The following OSBPL9 variants were observed in gnomAD, a reference collection of about 807,000 sequenced individuals.
OSBPL9 encodes oxysterol-binding protein-related protein 9.
Under a neutral mutation model 106.6 loss-of-function variants are expected in OSBPL9, and 40 were observed. That is an observed-to-expected ratio of 0.38 (90% confidence interval 0.29 to 0.49). The LOEUF is 0.49. OSBPL9 is among the 20% of genes least tolerant of loss of function. OSBPL9 has a pLI of 0.97. For missense variants in OSBPL9, 609 were observed against 887.2 expected (o/e 0.69, Z 3.98); for synonymous variants, 269 against 295.4 (o/e 0.91, Z 0.92).
At chr1:51,749,466 CCA>C (rs981278691) in intron 7 of OSBPL9, 13 of 412,954 alleles carry the variant, frequency 3.1e-5, no homozygotes, top group African/African-American at 2.4e-4. Flanking sequence ...GCACACGCTA[CCA>C]CACACAGCTA....
chr1:51,663,862 T>A (rs1647757276), intron 2 of OSBPL9, among the ~76,000 whole-genome samples: 1 of 152,186 alleles, frequency 6.6e-6, no homozygotes, highest in South Asian at 2.1e-4. Context: ...AAGAGGATCT[T>A]CAAATGGTCA....
At chr1:51,756,424 G>C (rs1051115051) in intron 9 of OSBPL9, 66 bp downstream of exon 9, 143 of 1,480,816 alleles carry the variant, frequency 9.7e-5, no homozygotes, top group Middle Eastern at 8.6e-4. Flanking sequence ...GTCATATCAG[G>C]AGAAGCCTGA....
chr1:51,664,368 A>G (rs1360837308), intron 2 of OSBPL9, among the ~76,000 whole-genome samples: 1 of 152,120 alleles, frequency 6.6e-6, no homozygotes, highest in African/African-American at 2.4e-5. Flanking sequence ...CACAAAGGAA[A>G]ATAAGTGGTG....
chr1:51,669,331 C>T lies in OSBPL9; in HGVS notation c.163-103C>T. 1.3e-5 allele frequency: 12 copies of T among 917,368 alleles called. No individual in the cohort carries two copies. The South Asian group carries it at 1.8e-4, about 14-fold the overall frequency. The allele number at this position is 917,368 out of a possible 1,614,324, so 56.8% of individuals were successfully genotyped here. A position where few individuals can be genotyped will look rare whatever the true frequency, so the allele number is the denominator to read the frequency against. ...TTTCCTCTTTTCTGTGTCTAGCCTG[C>T]TTCCAGTGTCGTTGGTGCATTGAGT... On this transcript the variant is annotated intron_variant, in intron 2 of 23. Coordinates refer to ENST00000428468, the MANE Select transcript of OSBPL9 (RefSeq NM_024586.6).
At chr1:51,688,381 C>T (rs1654275359) in intron 3 of OSBPL9, among the ~76,000 whole-genome samples, 1 of 152,130 alleles carries the variant, frequency 6.6e-6, no homozygotes, top group East Asian at 1.9e-4. Context: ...CCTGTAATCT[C>T]AATACTATGG....
intron 3 of OSBPL9, among the ~76,000 whole-genome samples, chr1:51,682,570 C>G (rs1024495961): frequency 1.1e-4 from 17 of 152,084 alleles, no homozygotes; most frequent in African/African-American, 4.1e-4. Context: ...CCAGCCAGAC[C>G]AACATGGTGA....
chr1:51,719,055 T>C (rs1661580121), intron 4 of OSBPL9, among the ~76,000 whole-genome samples: 1 of 152,218 alleles, frequency 6.6e-6, no homozygotes, highest in African/African-American at 2.4e-5. Flanking sequence ...TCTTTTGATA[T>C]GTAGCTTTAG....
chr1:51,553,958 C>T, the OSBPL9 span, among the ~76,000 whole-genome samples: 5 of 152,182 alleles, frequency 3.3e-5, no homozygotes, highest in Admixed American at 6.5e-5. Flanking sequence ...GGATTACAGG[C>T]GTGAGCCACC....
At chr1:51,701,586 T>C (rs1657252340) in intron 3 of OSBPL9, among the ~76,000 whole-genome samples, 1 of 152,180 alleles carries the variant, frequency 6.6e-6, no homozygotes, top group African/African-American at 2.4e-5. Flanking sequence ...GAGTATTGTA[T>C]TTGTATATGG....
At chr1:51,620,429 G>A (rs1644353915) in intron 1 of OSBPL9, among the ~76,000 whole-genome samples, 1 of 152,048 alleles carries the variant, frequency 6.6e-6, no homozygotes, top group Admixed American at 6.6e-5. Context: ...TAATATGTTG[G>A]GGGACATACC....
intron 2 of OSBPL9, among the ~76,000 whole-genome samples, chr1:51,598,626 G>A (rs943973901): frequency 3.9e-5 from 6 of 152,118 alleles, no homozygotes; most frequent in Admixed American, 6.6e-5. Context: ...GTGTGCCCGC[G>A]CACACACATA....
At chr1:51,617,626 C>CGTG (rs1644142685) in intron 1 of OSBPL9, among the ~76,000 whole-genome samples, 1 of 152,086 alleles carries the variant, frequency 6.6e-6, no homozygotes, top group Admixed American at 6.5e-5. Flanking sequence ...TGTAGCCGGC[C>CGTG]GCACCCCTTA....
the OSBPL9 span, among the ~76,000 whole-genome samples, chr1:51,518,830 G>A: frequency 1.3e-5 from 2 of 151,958 alleles, no homozygotes; most frequent in East Asian, 3.9e-4. Flanking sequence ...CCTGGGATGC[G>A]TGCGGCCCTG....
chr1:51,782,729 C>T (rs979185684), intron 17 of OSBPL9, 86 bp downstream of exon 17: 3 of 1,177,846 alleles, frequency 2.5e-6, no homozygotes, highest in African/African-American at 3.0e-5. Flanking sequence ...GCTGAGGGTA[C>T]TGTCAGTTGT....
intron 1 of OSBPL9, among the ~76,000 whole-genome samples, chr1:51,582,455 T>C (rs1366678490): frequency 6.6e-6 from 1 of 152,020 alleles, no homozygotes; most frequent in Non-Finnish European, 1.5e-5. Context: ...AGCCTCCCGA[T>C]TAGCTGGGAT....
chr1:51,563,086 T>C, the OSBPL9 span, among the ~76,000 whole-genome samples: 10 of 152,136 alleles, frequency 6.6e-5, no homozygotes, highest in East Asian at 1.9e-4. Flanking sequence ...GGCACGTGCC[T>C]GTAGTCCCAG....
intron 1 of OSBPL9, among the ~76,000 whole-genome samples, chr1:51,589,567 C>T (rs1645262773): frequency 6.6e-6 from 1 of 151,942 alleles, no homozygotes; most frequent in Non-Finnish European, 1.5e-5. Flanking sequence ...AAGAAGAAAA[C>T]ATTTAAGCAG....
chr1:51,664,741 T>C (rs942425291), intron 2 of OSBPL9, among the ~76,000 whole-genome samples: 2 of 152,064 alleles, frequency 1.3e-5, no homozygotes, highest in Non-Finnish European at 1.5e-5. Context: ...AAACTAATTG[T>C]TATATTAGAA....
intron 21 of OSBPL9, 117 bp downstream of exon 21, chr1:51,786,003 G>A: frequency 1.1e-6 from 1 of 897,900 alleles, no homozygotes; most frequent in Non-Finnish European, 1.7e-6. Flanking sequence ...CAGTATATTA[G>A]AGCTGGAACT....
Sources: gnomAD v4.1 joint callset for allele counts (sites outside exome capture counted in the v4.1 genomes callset) on GRCh38, gnomAD v4.1.1 for gene constraint, MANE v1.5 for transcripts, NCBI Gene and HGNC (gene_info 2026-07-23, HGNC 2026-07-21) for gene names.